The following ESRRG variants were observed in gnomAD, a reference collection of about 807,000 sequenced individuals.
The protein encoded by ESRRG is estrogen related receptor gamma.
In ESRRG, 13 loss-of-function variants were observed where a neutral mutation model predicts 44.0. That is an observed-to-expected ratio of 0.30 (90% CI 0.19 to 0.47). The LOEUF is 0.47. ESRRG is among the 20% of genes least tolerant of loss of function. The pLI is 1.00. For missense variants in ESRRG, 395 were observed against 580.6 expected (o/e 0.68, Z 3.29); for synonymous variants, 215 against 214.6 (o/e 1.00, Z -0.02).
At chr1:216,696,010 T>C (rs1250943221) in intron 1 of ESRRG, among the ~76,000 whole-genome samples, 1 of 152,224 alleles carries the variant, frequency 6.6e-6, no homozygotes, top group Non-Finnish European at 1.5e-5. Context: ...GCTTGGATGA[T>C]TCTCTCTTCT....
chr1:217,105,848 G>A lies in ESRRG; in HGVS notation c.-230+31819C>T, dbSNP rs190048300. Among the ~76,000 whole-genome samples, 426 of 152,236 alleles carry A rather than the reference G, an allele frequency of 2.8e-3. 2 individuals carry two copies. The highest frequency in any genetic ancestry group is 9.7e-3 in the African/African-American group (402 of 41,540). ...GCGAAGTTGGCTATGTGACCTTGGA[G>A]TCTCCTAGGTGAAAACGTTGGAGGC... is the stretch of plus-strand genomic sequence containing the variant. On this transcript the variant is annotated intron_variant, in intron 1 of 8. Transcript: ENST00000366940.
intron 1 of ESRRG, among the ~76,000 whole-genome samples, chr1:216,722,256 C>A (rs531053523): frequency 6.6e-6 from 1 of 152,278 alleles, no homozygotes; most frequent in South Asian, 2.1e-4. Context: ...AATGTGAAAG[C>A]AAAGCAATAT....
intron 2 of ESRRG, among the ~76,000 whole-genome samples, chr1:216,736,176 A>ATTTTTTTTTTTTTTTTTTTTTTTTT (rs34469625): frequency 1.2e-5 from 1 of 82,688 alleles, no homozygotes; most frequent in Non-Finnish European, 2.2e-5. Flanking sequence ...GTTAAGGACT[A>ATTTTTTTTTTTTTTTTTTTTTTTTT]TTTTTTTTTT....
chr1:216,991,856 T>C (rs1027199359), intron 1 of ESRRG, among the ~76,000 whole-genome samples: 4 of 152,190 alleles, frequency 2.6e-5, no homozygotes, highest in African/African-American at 7.2e-5. Flanking sequence ...GAAAGAAATT[T>C]CCAGGCGTGT....
intron 1 of ESRRG, among the ~76,000 whole-genome samples, chr1:217,119,991 T>A (rs2092798452): frequency 6.6e-6 from 1 of 152,142 alleles, no homozygotes. Context: ...AGATTAACAG[T>A]AATAATAAGT....
At chr1:216,717,719 A>C (rs2085211334) in intron 1 of ESRRG, among the ~76,000 whole-genome samples, 1 of 151,842 alleles carries the variant, frequency 6.6e-6, no homozygotes, top group South Asian at 2.1e-4. Flanking sequence ...CTTAGAATAA[A>C]ATTAAATAAT....
intron 1 of ESRRG, among the ~76,000 whole-genome samples, chr1:216,721,201 G>A (rs1040734547): frequency 1.3e-5 from 2 of 152,146 alleles, no homozygotes; most frequent in Non-Finnish European, 2.9e-5. Context: ...CTCTCTTAAT[G>A]GTGGTCAATA....
chr1:216,534,684 C>T (rs1365937638), intron 5 of ESRRG, among the ~76,000 whole-genome samples: 1 of 152,168 alleles, frequency 6.6e-6, no homozygotes. Context: ...TCTGACATAT[C>T]TCTTTTGGTG....
At position 216,600,926 on chromosome 1, in the gene ESRRG, A is replaced by G. The variant is rs546468149; in HGVS notation, c.590-32828T>C. 1.2e-4 allele frequency among the ~76,000 whole-genome samples: 18 copies of G among 152,252 alleles called. No homozygotes were observed. The East Asian group carries it at 2.1e-3, about 18-fold the overall frequency. On this transcript the variant is annotated intron_variant, in intron 3 of 6. Coordinates refer to ENST00000408911, the MANE Select transcript of ESRRG (RefSeq NM_001438.4). ...TTCCCGGACACATTTATTCAGCCCA[A>G]TCTTTCCTGTCTGAACACAGACTGT... is the stretch of plus-strand genomic sequence containing the variant.
intron 1 of ESRRG, among the ~76,000 whole-genome samples, chr1:217,107,050 C>T (rs2092606159): frequency 6.6e-6 from 1 of 152,122 alleles, no homozygotes; most frequent in Non-Finnish European, 1.5e-5. Context: ...TTCATATATT[C>T]ATCTGTTTTT....
chr1:216,543,345 A>C (rs1432944043), intron 5 of ESRRG, among the ~76,000 whole-genome samples: 1 of 151,978 alleles, frequency 6.6e-6, no homozygotes, highest in African/African-American at 2.4e-5. Flanking sequence ...AGGGATAAAA[A>C]TCTATTTTAT....
chr1:216,839,188 C>G (rs980453995), intron 2 of ESRRG, among the ~76,000 whole-genome samples: 2 of 152,128 alleles, frequency 1.3e-5, no homozygotes, highest in Non-Finnish European at 2.9e-5. Flanking sequence ...TTCACAGCAC[C>G]TTCGCTAGGA....
intron 6 of ESRRG, among the ~76,000 whole-genome samples, chr1:216,515,854 T>C (rs2044107768): frequency 6.6e-6 from 1 of 152,022 alleles, no homozygotes; most frequent in South Asian, 2.1e-4. Flanking sequence ...TAGTATATAA[T>C]TTCAAACAAA....
At chr1:216,647,048 A>C (rs2150995174) in intron 3 of ESRRG, among the ~76,000 whole-genome samples, 1 of 152,294 alleles carries the variant, frequency 6.6e-6, no homozygotes, top group African/African-American at 2.4e-5. Flanking sequence ...TCTGTTTGCT[A>C]CTGACAGTGA....
chr1:217,110,951 G>A (rs1440037922), intron 1 of ESRRG, among the ~76,000 whole-genome samples: 1 of 152,014 alleles, frequency 6.6e-6, no homozygotes, highest in Non-Finnish European at 1.5e-5. Flanking sequence ...TACCTACCTC[G>A]ACTCTTGACT....
At chr1:216,766,046 G>C (rs541325627) in intron 2 of ESRRG, among the ~76,000 whole-genome samples, 34 of 152,210 alleles carry the variant, frequency 2.2e-4, no homozygotes, top group African/African-American at 7.9e-4. Context: ...GTAAAGCAAA[G>C]CAATCTTCGT....
chr1:216,831,739 G>C (rs954522667), intron 2 of ESRRG, among the ~76,000 whole-genome samples: 5 of 152,100 alleles, frequency 3.3e-5, no homozygotes, highest in Non-Finnish European at 7.4e-5. Flanking sequence ...TCCAGGCAAT[G>C]AAGTGAGAAA....
upstream of ESRRG, among the ~76,000 whole-genome samples, chr1:217,092,723 C>T (rs999584876): frequency 3.3e-5 from 5 of 152,150 alleles, no homozygotes; most frequent in African/African-American, 1.2e-4. Context: ...TGCATTTTTC[C>T]GCTTTCTCTT....
intron 5 of ESRRG, among the ~76,000 whole-genome samples, chr1:216,560,002 T>A (rs987347109): frequency 1.3e-5 from 2 of 152,146 alleles, no homozygotes; most frequent in African/African-American, 4.8e-5. Context: ...AAAAGCTAAG[T>A]CAATGAGCAA....
Sources: allele counts gnomAD v4.1 joint callset (sites outside exome capture counted in the v4.1 genomes callset), GRCh38; gene constraint gnomAD v4.1.1; transcripts MANE v1.5; gene names NCBI Gene and HGNC (gene_info 2026-07-23, HGNC 2026-07-21).